The following SETD5 variants were observed in gnomAD, a reference collection of about 807,000 sequenced individuals.
The protein encoded by SETD5 is SET domain containing 5, also known as histone-lysine N-methyltransferase SETD5.
In SETD5, 44 loss-of-function variants were observed where a neutral mutation model predicts 153.3. That is an observed-to-expected ratio of 0.29 (90% CI 0.23 to 0.37). The LOEUF is 0.37. Ranked by LOEUF, SETD5 falls within the 10% of genes least tolerant of loss-of-function variation. The probability of loss-of-function intolerance (pLI) is 1.00; values close to 1 mark genes in which losing one functional copy is unlikely to be tolerated. For synonymous variants in SETD5, 716 were observed against 645.2 expected, an observed-to-expected ratio of 1.11 and a Z score of -1.66; for missense variants, 1,544 against 1,768.0, an observed-to-expected ratio of 0.87 and a Z score of 2.27.
At chr3:9,460,054 C>T (rs552420086) in intron 17 of SETD5, among the ~76,000 whole-genome samples, 1 of 151,500 alleles carries the variant, frequency 6.6e-6, no homozygotes, top group Admixed American at 6.6e-5. Context: ...ACCCCCTCCC[C>T]CCCACAAAAA....
In SETD5 at chr3:9,411,728, A is replaced by G. The variant is rs73026965; in HGVS notation, c.-176-12739A>G. On this transcript the variant is annotated intron_variant, in intron 1 of 22. Coordinates refer to ENST00000402198, the MANE Select transcript of SETD5 (RefSeq NM_001080517.3). ...TGCTGCCTTTATTTTGGAAGTGGTTATTGTTACGAGTATTTGATCAGTTCT... is the reference window on the plus strand; with the variant it reads ...TGCTGCCTTTATTTTGGAAGTGGTTGTTGTTACGAGTATTTGATCAGTTCT... Among the ~76,000 whole-genome samples, 1,278 of 152,322 alleles carry G rather than the reference A, an allele frequency of 8.4e-3. 13 individuals carry two copies. Among genetic ancestry groups the G allele is most frequent in the Non-Finnish European group, 9.0e-3 (613 of 68,028 alleles).
intron 16 of SETD5, among the ~76,000 whole-genome samples, chr3:9,449,230 C>T (rs772146279): frequency 2.4e-4 from 36 of 152,124 alleles, no homozygotes; most frequent in Non-Finnish European, 4.0e-4. Context: ...GTTTCTGCCT[C>T]TTTCTCCTCT....
chr3:9,475,106 G>A lies in SETD5; in HGVS notation c.3670G>A (p.Ala1224Thr), dbSNP rs917674097. ...AGAAGGCCCAGAGACATTAAGCTCA[G>A]CACTCTCTAAAGGAGCAACAGTTTA... ...DGEGPETLSSALSKGATVYSP... is the reference protein window; with the variant it reads ...DGEGPETLSSTLSKGATVYSP... The change falls in exon 22 of 23, where the codon GCA (alanine) becomes ACA (threonine). Residue 1224 changes from alanine (A) to threonine (T), a missense_variant. By Grantham distance (58) the Ala-to-Thr change is moderately conservative. This residue lies in a region of SETD5 where 302 missense variants were observed against 277.6 expected (regional missense o/e 1.09). Transcript: ENST00000402198. 10 of 1,591,560 alleles carry A rather than the reference G, an allele frequency of 6.3e-6. No homozygotes were observed. In the African/African-American group the frequency reaches 8.1e-5, roughly 13 times the overall value.
intron 19 of SETD5, 56 bp from the exon 20 acceptor site, chr3:9,473,180 A>T: frequency 6.5e-7 from 1 of 1,547,594 alleles, no homozygotes; most frequent in South Asian, 1.2e-5. Context: ...CTGGTGATCC[A>T]CTAATGATAT....
At chr3:9,430,739 T>C in intron 3 of SETD5, 6 of 764,606 alleles carry the variant, frequency 7.8e-6, no homozygotes, top group Non-Finnish European at 8.0e-6. Context: ...AATCTTACAA[T>C]TGGTGTTTTC....
At chr3:9,403,920 T>C (rs1296709535) in intron 1 of SETD5, among the ~76,000 whole-genome samples, 3 of 152,206 alleles carry the variant, frequency 2.0e-5, no homozygotes, top group Middle Eastern at 3.2e-3. Flanking sequence ...GCGTCAGTTC[T>C]TTTTTTAAAA....
intron 3 of SETD5, chr3:9,432,105 T>C (rs2040032808): frequency 6.0e-6 from 1 of 166,700 alleles, no homozygotes; most frequent in Non-Finnish European, 1.2e-5. Context: ...GATGATTGCC[T>C]CTCAGTGAGC....
rs1282816566 is a variant in SETD5 at position 9,453,830 on chromosome 3, A to G, written c.2438A>G (p.Glu813Gly). 1 of 1,601,884 alleles carries G rather than the reference A, an allele frequency of 6.2e-7. No homozygotes were observed. The highest frequency in any genetic ancestry group is 1.1e-5 in the South Asian group (1 of 88,526). Residue 813 changes from glutamate (E) to glycine (G), a missense_variant, in exon 17 of 23, where the codon GAG becomes GGG. By Grantham distance (98) the Glu-to-Gly change is moderately conservative. Transcript: ENST00000402198. ...TRTQHLYQSNENSSSSSICKD... is the reference protein window; with the variant it reads ...TRTQHLYQSNGNSSSSSICKD... ...ACTCAGCACCTATACCAAAGCAATG[A>G]GAATAGTAGCTCTTCTAGTATCTGC...
At chr3:9,437,027 C>A (rs915306724) in intron 7 of SETD5, 3 of 717,598 alleles carry the variant, frequency 4.2e-6, no homozygotes, top group African/African-American at 3.7e-5. Context: ...ATTCAGTTTT[C>A]ATAGAGCTTT....
At position 9,434,109 on chromosome 3, in the gene SETD5, T is replaced by A; in HGVS notation, c.177+159T>A. The A allele has an allele frequency of 6.4e-7, 1 of 1,556,760 alleles. No homozygotes were observed. The highest frequency in any genetic ancestry group is 8.7e-7 in the Non-Finnish European group (1 of 1,152,878). Reference sequence around the variant, plus strand: ...CGGACGTCTAGCCCTGCATCATTGTTCTTGTTTTTATGTCCCAGTTGACCT... The same window carrying A: ...CGGACGTCTAGCCCTGCATCATTGTACTTGTTTTTATGTCCCAGTTGACCT... On this transcript the variant is annotated intron_variant, in intron 4 of 22. Coordinates refer to ENST00000402198, the MANE Select transcript of SETD5 (RefSeq NM_001080517.3). The surrounding 1 kb of genome is among the most constrained non-coding windows in gnomAD (Gnocchi z 5.6).
chr3:9,427,286 C>T (rs1559385127), intron 2 of SETD5, among the ~76,000 whole-genome samples: 1 of 152,224 alleles, frequency 6.6e-6, no homozygotes, highest in Admixed American at 6.5e-5. Context: ...CGGTGGCTCA[C>T]GCCTATAGTC....
At chr3:9,416,744 A>G (rs538706291) in intron 1 of SETD5, among the ~76,000 whole-genome samples, 8 of 152,302 alleles carry the variant, frequency 5.3e-5, no homozygotes, top group East Asian at 1.9e-4. Flanking sequence ...ATAAGGATAA[A>G]CAAGGGATAG....
intron 17 of SETD5, among the ~76,000 whole-genome samples, chr3:9,463,285 G>A (rs2044196718): frequency 6.6e-6 from 1 of 152,140 alleles, no homozygotes; most frequent in African/African-American, 2.4e-5. Context: ...GCCTCCCAAA[G>A]TGCTGGGATT....
At position 9,477,276 on chromosome 3, in the gene SETD5, C is replaced by T. The variant is rs2045903014; in HGVS notation, c.*1185C>T. 1 of 152,686 alleles carries T rather than the reference C, an allele frequency of 6.5e-6. No individual in the cohort carries two copies. Among genetic ancestry groups the T allele is most frequent in the Non-Finnish European group, 1.5e-5 (1 of 68,072 alleles). 9.5% of individuals were successfully genotyped at this position (152,686 alleles called of 1,614,324 possible). ...ATCAGTGCATTGTGCCTGTTGTACACCCCTGGAGGAGCCCTGGAGCCAGCC... is the reference window on the plus strand; with the variant it reads ...ATCAGTGCATTGTGCCTGTTGTACATCCCTGGAGGAGCCCTGGAGCCAGCC... On this transcript the variant is annotated 3_prime_UTR_variant, in exon 23 of 23. Transcript: ENST00000402198.
intron 1 of SETD5, among the ~76,000 whole-genome samples, chr3:9,420,367 C>T (rs914089326): frequency 2.6e-5 from 4 of 152,002 alleles, no homozygotes; most frequent in Non-Finnish European, 4.4e-5. Flanking sequence ...AAGTTTTTTA[C>T]GGAGAAGGAA....
chr3:9,459,962 A>G (rs888374208), intron 17 of SETD5, among the ~76,000 whole-genome samples: 2 of 152,054 alleles, frequency 1.3e-5, no homozygotes, highest in Non-Finnish European at 2.9e-5. Context: ...GTTAAACATC[A>G]AAATAGGCTA....
chr3:9,474,628 G>A, intron 21 of SETD5, 46 bp downstream of exon 21: 1 of 1,607,618 alleles, frequency 6.2e-7, no homozygotes, highest in Non-Finnish European at 8.5e-7. Flanking sequence ...GGACACATGA[G>A]CCGAGTCCTG....
At position 9,475,911 on chromosome 3, in the gene SETD5, A is replaced by G. The variant is rs746291725; in HGVS notation, c.4149A>G (p.Pro1383=). 1 of 1,613,924 alleles carries G rather than the reference A, an allele frequency of 6.2e-7. No individual in the cohort carries two copies. Among genetic ancestry groups the G allele is most frequent in the Non-Finnish European group, 8.5e-7 (1 of 1,179,906 alleles). The change falls in exon 23 of 23, where the codon CCA becomes CCG. Residue 1383 remains proline, a synonymous_variant. Coordinates refer to ENST00000402198, the MANE Select transcript of SETD5 (RefSeq NM_001080517.3). ...CTCAGAACTCTAGGTCGTCATTGCC[A>G]TCAGACTTACGGACTATCAGTCTGC... ...SFPQNSRSSL[P]SDLRTISLPS...
rs541627976 is a variant in SETD5 at position 9,456,977 on chromosome 3, AAAG to A, written c.2476+3112_2476+3114del. ...GCAATAGAGTGAGACTCCGTCTCAA[AAAG>A]AAAGAAAGAAAGAAAGAGAGGGAGG... On this transcript the variant is annotated intron_variant, in intron 17 of 22. Transcript: ENST00000402198. 1.6e-3 allele frequency among the ~76,000 whole-genome samples: 238 copies of A among 151,234 alleles called. 1 individual carries two copies. The highest frequency in any genetic ancestry group is 2.8e-3 in the Non-Finnish European group (189 of 67,882).
Sources: allele counts gnomAD v4.1 joint callset (sites outside exome capture counted in the v4.1 genomes callset), GRCh38; gene constraint gnomAD v4.1.1; regional missense constraint gnomAD v4.1.1; non-coding constraint Gnocchi (gnomAD v3.1); transcripts MANE v1.5; gene names NCBI Gene and HGNC (gene_info 2026-07-23, HGNC 2026-07-21).